Variants in CTTNBP2 observed in about 807,000 individuals in gnomAD.
The protein encoded by CTTNBP2 is cortactin-binding protein 2.
In CTTNBP2, 108 loss-of-function variants were observed where a neutral mutation model predicts 156.9. The ratio of observed to expected loss-of-function variants is 0.69; its 90% CI spans 0.59 to 0.81. CTTNBP2 has a LOEUF of 0.81. Among genes scored for constraint, CTTNBP2 ranks in the 30% least tolerant of loss-of-function variants. The pLI, the probability that CTTNBP2 is intolerant of heterozygous loss-of-function variation, is 0.00. For missense variants in CTTNBP2, 1,924 were observed against 2,035.4 expected (o/e 0.95, Z 1.05); for synonymous variants, 767 against 751.8 (o/e 1.02, Z -0.33).
At chr7:117,740,397 G>A (rs1452459807) in intron 14 of CTTNBP2, among the ~76,000 whole-genome samples, 1 of 152,048 alleles carries the variant, frequency 6.6e-6, no homozygotes, top group Admixed American at 6.5e-5. Flanking sequence ...TCATAGAGAG[G>A]AACACATAAG....
chr7:117,798,732 T>C (rs1486831775), intron 3 of CTTNBP2, among the ~76,000 whole-genome samples: 2 of 151,722 alleles, frequency 1.3e-5, no homozygotes, highest in African/African-American at 2.4e-5. Context: ...ACCAAAGAAA[T>C]TGATGAAACA....
At chr7:117,872,074 A>G in intron 1 of CTTNBP2, 3 of 660,132 alleles carry the variant, frequency 4.5e-6, no homozygotes, top group Non-Finnish European at 5.6e-6. Context: ...TGGAAACTCA[A>G]TTTTCCCAAA....
At chr7:117,733,629 A>G (rs1191833374) in intron 16 of CTTNBP2, among the ~76,000 whole-genome samples, 2 of 152,206 alleles carry the variant, frequency 1.3e-5, no homozygotes, top group Admixed American at 6.5e-5. Flanking sequence ...GGCCAAAAGC[A>G]TAATATTTAT....
chr7:117,839,502 A>G (rs1280881314), intron 2 of CTTNBP2, among the ~76,000 whole-genome samples: 2 of 152,212 alleles, frequency 1.3e-5, no homozygotes, highest in Non-Finnish European at 2.9e-5. Flanking sequence ...ACTTCAACAC[A>G]CTTGTAATGT....
At chr7:117,757,550 A>AG (rs1272584351) in intron 11 of CTTNBP2, among the ~76,000 whole-genome samples, 1 of 151,246 alleles carries the variant, frequency 6.6e-6, no homozygotes, top group Admixed American at 6.6e-5. Context: ...AAAAAAAAAA[A>AG]AGACATTTCT....
At chr7:117,808,703 T>C (rs1489382331) in intron 3 of CTTNBP2, among the ~76,000 whole-genome samples, 1 of 152,222 alleles carries the variant, frequency 6.6e-6, no homozygotes, top group African/African-American at 2.4e-5. Context: ...TCATTTAAAA[T>C]AATGGATTTT....
chr7:117,758,309 T>C (rs890460658), intron 10 of CTTNBP2, among the ~76,000 whole-genome samples: 7 of 152,104 alleles, frequency 4.6e-5, no homozygotes, highest in African/African-American at 7.2e-5. Context: ...GTTTCAGGGT[T>C]CTTCCAAAGC....
At chr7:117,775,152 G>T (rs994761869) in intron 8 of CTTNBP2, among the ~76,000 whole-genome samples, 3 of 152,068 alleles carry the variant, frequency 2.0e-5, no homozygotes, top group Admixed American at 2.0e-4. Flanking sequence ...AAAATGGAGA[G>T]GTTAGACTAG....
At chr7:117,783,542 ACTT>A (rs1362406634) in intron 5 of CTTNBP2, among the ~76,000 whole-genome samples, 1 of 152,316 alleles carries the variant, frequency 6.6e-6, no homozygotes, top group African/African-American at 2.4e-5. Context: ...TACTAGATTT[ACTT>A]CTTCTATATT....
chr7:117,842,233 T>A (rs1427258841), intron 2 of CTTNBP2, among the ~76,000 whole-genome samples: 1 of 152,152 alleles, frequency 6.6e-6, no homozygotes, highest in Non-Finnish European at 1.5e-5. Context: ...AGAGTTTCAC[T>A]CTTGTTGCCT....
rs904462705 is a variant in CTTNBP2, at chr7:117,760,513, G to A, written c.3094C>T (p.Leu1032=). The A allele has an allele frequency of 1.9e-6, 3 of 1,614,134 alleles. No homozygotes were observed. The highest frequency in any genetic ancestry group is 1.7e-6 in the Non-Finnish European group (2 of 1,180,000). ...QAISSDGWWS[L]EDVTCNNTTD... Reference sequence around the variant, plus strand: ...GTGTTATTGCAAGTCACGTCTTCCAGACTCCACCATCCATCAGAAGAGATT... The same window carrying A: ...GTGTTATTGCAAGTCACGTCTTCCAAACTCCACCATCCATCAGAAGAGATT... Residue 1032 remains leucine (L), a synonymous_variant, in exon 10 of 23, where the codon CTG becomes TTG. Transcript: ENST00000160373.
At chr7:117,749,055 T>C (rs766733781) in intron 12 of CTTNBP2, among the ~76,000 whole-genome samples, 10 of 152,340 alleles carry the variant, frequency 6.6e-5, no homozygotes, top group Admixed American at 1.3e-4. Context: ...AATACATTTC[T>C]GTTGTTTGTA....
chr7:117,799,483 C>T (rs1192308276), intron 3 of CTTNBP2, among the ~76,000 whole-genome samples: 1 of 151,076 alleles, frequency 6.6e-6, no homozygotes, highest in African/African-American at 2.4e-5. Flanking sequence ...AACCTTCCAA[C>T]AAAGAATAGA....
At chr7:117,720,895 G>C (rs565236193) in intron 20 of CTTNBP2, among the ~76,000 whole-genome samples, 172 bp downstream of exon 20, 1 of 152,226 alleles carries the variant, frequency 6.6e-6, no homozygotes. Context: ...GTTATCCAAA[G>C]ACACCATTAG....
chr7:117,741,992 C>T (rs995962535), intron 14 of CTTNBP2, among the ~76,000 whole-genome samples: 2 of 152,160 alleles, frequency 1.3e-5, no homozygotes, highest in Non-Finnish European at 2.9e-5. Flanking sequence ...CATCATATAA[C>T]ATGTGTGTGG....
At chr7:117,766,067 TAATTA>T (rs1262232800) in intron 9 of CTTNBP2, among the ~76,000 whole-genome samples, 25 of 152,214 alleles carry the variant, frequency 1.6e-4, no homozygotes, top group African/African-American at 6.0e-4. Flanking sequence ...AAGTGAAATA[TAATTA>T]AATGACAGCA....
At chr7:117,845,461 T>C (rs997698823) in intron 2 of CTTNBP2, among the ~76,000 whole-genome samples, 3 of 152,212 alleles carry the variant, frequency 2.0e-5, no homozygotes, top group Non-Finnish European at 4.4e-5. Flanking sequence ...AAATTTCCTC[T>C]TTTGTGTCTT....
intron 3 of CTTNBP2, among the ~76,000 whole-genome samples, chr7:117,805,708 G>A (rs557360980): frequency 1.6e-4 from 24 of 151,978 alleles, no homozygotes; most frequent in Admixed American, 1.4e-3. Context: ...CATCAATAAA[G>A]TAGTTTCCAG....
chr7:117,814,336 G>T (rs182874521), intron 2 of CTTNBP2, among the ~76,000 whole-genome samples: 1 of 151,294 alleles, frequency 6.6e-6, no homozygotes, highest in East Asian at 1.9e-4. Flanking sequence ...TTTTAACTGA[G>T]TCATATTGTG....
Sources: gnomAD v4.1 joint callset for allele counts (sites outside exome capture counted in the v4.1 genomes callset) on GRCh38, gnomAD v4.1.1 for gene constraint, MANE v1.5 for transcripts, NCBI Gene and HGNC (gene_info 2026-07-23, HGNC 2026-07-21) for gene names.